PLXNC1: variants seen among roughly 807,000 people sequenced by gnomAD.
PLXNC1 encodes the protein plexin-C1.
Under a neutral mutation model 178.2 loss-of-function variants are expected in PLXNC1, and 75 were observed. That is an observed-to-expected ratio of 0.42 (90% CI 0.35 to 0.51). PLXNC1 has a LOEUF of 0.51. PLXNC1 is among the 20% of genes least tolerant of loss of function. The pLI is 0.02. For synonymous variants in PLXNC1, 790 were observed against 779.9 expected (o/e 1.01, Z -0.22); for missense variants, 1,503 against 1,984.4 (o/e 0.76, Z 4.61).
At chr12:94,254,541 G>A in intron 15 of PLXNC1, 1 of 645,482 alleles carries the variant, frequency 1.5e-6, no homozygotes, top group Non-Finnish European at 2.9e-6. Context: ...TGTAAAATGA[G>A]TAAGGTTTTG....
intron 5 of PLXNC1, among the ~76,000 whole-genome samples, chr12:94,216,137 A>G (rs553464766): frequency 5.1e-4 from 77 of 152,108 alleles, no homozygotes; most frequent in Middle Eastern, 3.4e-3. Context: ...GCGTGGTGGC[A>G]GGTGTCTGTA....
At chr12:94,302,562 A>G (rs1487117480) in intron 28 of PLXNC1, among the ~76,000 whole-genome samples, 3 of 152,190 alleles carry the variant, frequency 2.0e-5, no homozygotes, top group Non-Finnish European at 4.4e-5. Flanking sequence ...TTCACACTAA[A>G]AACAGTTGTT....
intron 12 of PLXNC1, among the ~76,000 whole-genome samples, chr12:94,245,189 C>T (rs1964493055): frequency 6.6e-6 from 1 of 152,226 alleles, no homozygotes; most frequent in Non-Finnish European, 1.5e-5. Flanking sequence ...TTGAATGGCT[C>T]GTATAGTTTG....
rs542050639 is a variant in PLXNC1 at position 94,294,718 on chromosome 12, GAAGGA to G, written c.3934+186_3934+190del. Reference sequence around the variant, plus strand: ...AGTCCTAAGAATGTGATCCCTGCAAGAAGGAAAGGAAACTATAGATGGTGGTTGGC... The same window carrying G: ...AGTCCTAAGAATGTGATCCCTGCAAGAAGGAAACTATAGATGGTGGTTGGC... On this transcript the variant is annotated intron_variant, in intron 24 of 30. Coordinates refer to ENST00000258526, the MANE Select transcript of PLXNC1 (RefSeq NM_005761.3). Among the ~76,000 whole-genome samples, 13 of 152,340 alleles carry G rather than the reference GAAGGA, an allele frequency of 8.5e-5. No individual in the cohort carries two copies. The East Asian group carries it at 1.9e-3, about 23-fold the overall frequency.
chr12:94,279,430 C>G, intron 21 of PLXNC1, 42 bp from the exon 22 acceptor site: 1 of 1,558,194 alleles, frequency 6.4e-7, no homozygotes, highest in Non-Finnish European at 8.7e-7. Flanking sequence ...TTTCAGATTG[C>G]AATTATCTAA....
intron 20 of PLXNC1, among the ~76,000 whole-genome samples, chr12:94,264,846 G>A (rs1965146121): frequency 6.6e-6 from 1 of 152,248 alleles, no homozygotes; most frequent in African/African-American, 2.4e-5. Context: ...ACGTCGCTGT[G>A]AATGTGCACG....
chr12:94,152,732 C>T (rs1427705676), intron 1 of PLXNC1, among the ~76,000 whole-genome samples: 1 of 152,200 alleles, frequency 6.6e-6, no homozygotes, highest in Non-Finnish European at 1.5e-5. Flanking sequence ...CCCTCTCCTC[C>T]TAGCTGGCTC....
At chr12:94,302,909 T>C (rs968996426) in intron 28 of PLXNC1, among the ~76,000 whole-genome samples, 2 of 152,186 alleles carry the variant, frequency 1.3e-5, no homozygotes, top group African/African-American at 2.4e-5. Flanking sequence ...AATGATAGCA[T>C]GATTTCTGGG....
At chr12:94,244,753 T>C (rs1484553275) in intron 12 of PLXNC1, among the ~76,000 whole-genome samples, 1 of 152,184 alleles carries the variant, frequency 6.6e-6, no homozygotes, top group African/African-American at 2.4e-5. Context: ...TTCCGTGATA[T>C]CCACCACCAC....
intron 4 of PLXNC1, among the ~76,000 whole-genome samples, chr12:94,196,680 G>A (rs2135983370): frequency 6.6e-6 from 1 of 152,340 alleles, no homozygotes; most frequent in African/African-American, 2.4e-5. Flanking sequence ...GGCGGCTGCA[G>A]TGCCCCTTCC....
rs370478946 is a variant in PLXNC1 at position 94,303,514 on chromosome 12, A to T, written c.4387-242A>T. Among the ~76,000 whole-genome samples the T allele has an allele frequency of 1.8e-4, 27 of 152,324 alleles. No individual in the cohort carries two copies. The South Asian group carries it at 3.3e-3, about 19-fold the overall frequency. ...TTTAGTTCTTTTATGAGAGGAAGGC[A>T]GAATATATTAGCATTTAATCTGCCT... On this transcript the variant is annotated intron_variant, in intron 28 of 30. Transcript: ENST00000258526.
At chr12:94,194,204 C>A (rs1269451969) in intron 4 of PLXNC1, among the ~76,000 whole-genome samples, 1 of 152,118 alleles carries the variant, frequency 6.6e-6, no homozygotes, top group Admixed American at 6.6e-5. Context: ...ATCACGAAAA[C>A]AGCACTGAGG....
In PLXNC1 at chr12:94,226,658, G is replaced by A. The variant is rs1467760927; in HGVS notation, c.1844G>A (p.Cys615Tyr). Residue 615 changes from cysteine to tyrosine, a missense_variant, in exon 8 of 31, where the codon TGT becomes TAT. Physicochemically the swap from Cys to Tyr is radical, Grantham distance 194. Coordinates refer to ENST00000258526, the MANE Select transcript of PLXNC1 (RefSeq NM_005761.3). ...GCGTGGTGTAAAAGTGCAAGAAGGTGTATCCACCCCTTCACAGCTTGCGAC... is the reference window on the plus strand; with the variant it reads ...GCGTGGTGTAAAAGTGCAAGAAGGTATATCCACCCCTTCACAGCTTGCGAC... The part of the protein sequence containing the change: ...GCAWCKSARR[C>Y]IHPFTACDPS... 1 of 1,613,910 alleles carries A rather than the reference G, an allele frequency of 6.2e-7. No homozygotes were observed. Among genetic ancestry groups the A allele is most frequent in the East Asian group, 2.2e-5 (1 of 44,876 alleles).
chr12:94,183,680 A>G (rs1373307628), intron 3 of PLXNC1, among the ~76,000 whole-genome samples: 1 of 152,248 alleles, frequency 6.6e-6, no homozygotes, highest in Non-Finnish European at 1.5e-5. Context: ...CTTCATGGAT[A>G]GTAATGGAAC....
chr12:94,258,462 AAG>A (rs1283873971), intron 17 of PLXNC1, among the ~76,000 whole-genome samples: 16 of 152,244 alleles, frequency 1.1e-4, no homozygotes, highest in Admixed American at 7.8e-4. Context: ...ATTATCAAAA[AAG>A]AAGAAAAACT....
chr12:94,173,495 G>A (rs1390398376), intron 2 of PLXNC1, among the ~76,000 whole-genome samples: 1 of 152,180 alleles, frequency 6.6e-6, no homozygotes, highest in Non-Finnish European at 1.5e-5. Context: ...CTCTTCCTGT[G>A]TGCTGGGCAT....
intron 5 of PLXNC1, among the ~76,000 whole-genome samples, chr12:94,210,021 T>C (rs1387871743): frequency 1.3e-5 from 2 of 152,190 alleles, no homozygotes; most frequent in African/African-American, 2.4e-5. Flanking sequence ...GAAATACATA[T>C]TGCTTTTGAA....
chr12:94,224,256 C>A lies in PLXNC1; in HGVS notation c.1731C>A (p.Ser577=). 6.2e-7 allele frequency: 1 copy of A among 1,605,408 alleles called. No homozygotes were observed. Among genetic ancestry groups the A allele is most frequent in the Non-Finnish European group, 8.5e-7 (1 of 1,172,084 alleles). ...TTTCAGTTGTCAACGTGATGTTCTC[C>A]TTCGGTTCTTGGAATTTATCAGACA... ...KDVSVVNVMF[S]FGSWNLSDRF... The change falls in exon 7 of 31, where the codon TCC becomes TCA. Residue 577 remains serine (S), a synonymous_variant. Coordinates refer to ENST00000258526, the MANE Select transcript of PLXNC1 (RefSeq NM_005761.3).
At chr12:94,155,239 G>C (rs1435520174) in intron 1 of PLXNC1, among the ~76,000 whole-genome samples, 1 of 152,186 alleles carries the variant, frequency 6.6e-6, no homozygotes, top group East Asian at 1.9e-4. Context: ...GAGAGGAAAG[G>C]GCTTTATGCT....
Sources: gnomAD v4.1 joint callset for allele counts (sites outside exome capture counted in the v4.1 genomes callset) on GRCh38, gnomAD v4.1.1 for gene constraint, MANE v1.5 for transcripts, NCBI Gene and HGNC (gene_info 2026-07-23, HGNC 2026-07-21) for gene names.